ELAVL2: variants seen among roughly 807,000 people sequenced by gnomAD.
The protein encoded by ELAVL2 is ELAV like RNA binding protein 2, also known as ELAV-like protein 2.
ELAVL2 carries 4 observed loss-of-function variants against 34.6 expected under a neutral mutation model. That is an observed-to-expected ratio of 0.12 (90% CI 0.06 to 0.26). The LOEUF (loss-of-function observed/expected upper bound fraction) is 0.26, where lower values mean the gene tolerates loss of function less well. Among genes scored for constraint, ELAVL2 ranks in the 10% least tolerant of loss-of-function variants. The pLI is 1.00. For synonymous variants in ELAVL2, 193 were observed against 154.8 expected (o/e 1.25, Z -1.83); for missense variants, 432 against 442.8 (o/e 0.98, Z 0.22).
intron 1 of ELAVL2, among the ~76,000 whole-genome samples, chr9:23,774,028 G>A (rs1017924372): frequency 1.3e-5 from 2 of 151,692 alleles, no homozygotes; most frequent in Admixed American, 6.6e-5. Context: ...TGGCTAACAC[G>A]GTGAAACCCC....
At chr9:23,838,187 G>A in the ELAVL2 span, among the ~76,000 whole-genome samples, 18 of 152,092 alleles carry the variant, frequency 1.2e-4, no homozygotes, top group Admixed American at 5.9e-4. Flanking sequence ...GAGGTAATGG[G>A]AGTTGGATTT....
At chr9:23,770,597 C>T (rs1260733533) in intron 1 of ELAVL2, among the ~76,000 whole-genome samples, 2 of 152,094 alleles carry the variant, frequency 1.3e-5, no homozygotes, top group Non-Finnish European at 2.9e-5. Flanking sequence ...ATCGAAAGGA[C>T]ATTGCTGGCT....
At position 23,727,223 on chromosome 9, in the gene ELAVL2, C is replaced by T. The variant is rs76449937; in HGVS notation, c.333+3799G>A. On this transcript the variant is annotated intron_variant, in intron 3 of 6. Transcript: ENST00000397312. ...TATGCCTCTGGGACATCTCCTTAACCAGGAAAAAAAGTGACCTTTAGGACA... is the reference window on the plus strand; with the variant it reads ...TATGCCTCTGGGACATCTCCTTAACTAGGAAAAAAAGTGACCTTTAGGACA... Among the ~76,000 whole-genome samples the T allele has an allele frequency of 3.3e-5, 5 of 152,112 alleles. No individual in the cohort carries two copies. In the East Asian group the frequency reaches 9.7e-4, roughly 29 times the overall value.
chr9:23,737,730 T>G (rs778603152), intron 2 of ELAVL2, among the ~76,000 whole-genome samples: 3 of 152,158 alleles, frequency 2.0e-5, no homozygotes, highest in African/African-American at 7.2e-5. Flanking sequence ...TAATGTTTTA[T>G]GAAATAAAAG....
chr9:23,807,888 C>G lies in ELAVL2; in HGVS notation c.-16+17918G>C, dbSNP rs748819817. 2.6e-5 allele frequency among the ~76,000 whole-genome samples: 4 copies of G among 152,296 alleles called. No individual in the cohort carries two copies. In the South Asian group the frequency reaches 6.2e-4, roughly 24 times the overall value. ...GGGTAAAGAGAATAAAGGATTTAGACAATGCAGATCTCACTGCTGGGCTTT... is the reference window on the plus strand; with the variant it reads ...GGGTAAAGAGAATAAAGGATTTAGAGAATGCAGATCTCACTGCTGGGCTTT... On this transcript the variant is annotated intron_variant, in intron 1 of 6. Transcript: ENST00000397312.
At chr9:23,741,221 G>A (rs926823267) in intron 2 of ELAVL2, among the ~76,000 whole-genome samples, 1 of 152,136 alleles carries the variant, frequency 6.6e-6, no homozygotes, top group Admixed American at 6.6e-5. Flanking sequence ...AAGTATAAAA[G>A]AGACAAGCCA....
intron 1 of ELAVL2, among the ~76,000 whole-genome samples, chr9:23,781,665 C>T (rs1486774356): frequency 6.6e-6 from 1 of 151,734 alleles, no homozygotes; most frequent in African/African-American, 2.4e-5. Context: ...CAGGTACACA[C>T]CACCACACCC....
chr9:23,816,256 C>T (rs1198107764), intron 1 of ELAVL2, among the ~76,000 whole-genome samples: 1 of 127,270 alleles, frequency 7.9e-6, no homozygotes, highest in Non-Finnish European at 1.6e-5. Flanking sequence ...AAACAACTAT[C>T]ATTCCCTAGT....
At chr9:23,794,187 C>T (rs2060641663) in intron 1 of ELAVL2, among the ~76,000 whole-genome samples, 1 of 152,202 alleles carries the variant, frequency 6.6e-6, no homozygotes, top group Non-Finnish European at 1.5e-5. Context: ...TTATCTTTCC[C>T]CTTCTAACTT....
At chr9:23,790,841 T>G (rs1006918901) in intron 1 of ELAVL2, among the ~76,000 whole-genome samples, 3 of 152,262 alleles carry the variant, frequency 2.0e-5, no homozygotes, top group African/African-American at 7.2e-5. Context: ...ATCCTAAACC[T>G]CACATCTCTT....
intron 2 of ELAVL2, among the ~76,000 whole-genome samples, chr9:23,733,561 G>C (rs987943893): frequency 2.6e-5 from 4 of 152,182 alleles, no homozygotes; most frequent in African/African-American, 7.2e-5. Flanking sequence ...GGTACACGTG[G>C]ATGTGTTTCT....
chr9:23,733,185 A>C (rs944218414), intron 2 of ELAVL2, among the ~76,000 whole-genome samples: 1 of 151,224 alleles, frequency 6.6e-6, no homozygotes, highest in African/African-American at 2.4e-5. Context: ...AAAAAAAAAA[A>C]AAAAAAACTA....
chr9:23,797,703 G>C (rs1289598260), intron 1 of ELAVL2, among the ~76,000 whole-genome samples: 1 of 152,176 alleles, frequency 6.6e-6, no homozygotes, highest in African/African-American at 2.4e-5. Flanking sequence ...TGAGGCAGGT[G>C]GATCATCTGA....
intron 3 of ELAVL2, among the ~76,000 whole-genome samples, chr9:23,717,686 A>G (rs2042665372): frequency 6.6e-6 from 1 of 152,110 alleles, no homozygotes; most frequent in Non-Finnish European, 1.5e-5. Flanking sequence ...TGGCATATCC[A>G]TTTTCATTGT....
intron 3 of ELAVL2, among the ~76,000 whole-genome samples, chr9:23,721,584 G>C (rs889871153): frequency 1.3e-5 from 2 of 152,172 alleles, no homozygotes; most frequent in African/African-American, 4.8e-5. Context: ...GAGGAGGCAG[G>C]CAAGTATCAG....
chr9:23,693,368 G>C, intron 6 of ELAVL2, 80 bp downstream of exon 6: 2 of 1,540,792 alleles, frequency 1.3e-6, no homozygotes, highest in South Asian at 2.3e-5. Context: ...CTTATGAGGG[G>C]TGTGAATAGC....
intron 3 of ELAVL2, among the ~76,000 whole-genome samples, chr9:23,720,130 A>G (rs2043290636): frequency 2.0e-5 from 3 of 151,606 alleles, no homozygotes; most frequent in African/African-American, 7.3e-5. Flanking sequence ...CCTGGCTCAA[A>G]AGCCACTTTC....
intron 2 of ELAVL2, among the ~76,000 whole-genome samples, chr9:23,740,973 G>A (rs2049019949): frequency 6.6e-6 from 1 of 152,168 alleles, no homozygotes; most frequent in South Asian, 2.1e-4. Flanking sequence ...AATACCACAT[G>A]GTCTCTGCCC....
intron 1 of ELAVL2, among the ~76,000 whole-genome samples, chr9:23,781,905 C>T (rs906753143): frequency 3.3e-5 from 5 of 152,052 alleles, no homozygotes; most frequent in Non-Finnish European, 7.4e-5. Context: ...AGGATGGTCT[C>T]GATCTCCTGA....
Sources: allele counts gnomAD v4.1 joint callset (sites outside exome capture counted in the v4.1 genomes callset), GRCh38; gene constraint gnomAD v4.1.1; transcripts MANE v1.5; gene names NCBI Gene and HGNC (gene_info 2026-07-23, HGNC 2026-07-21).